SEPTIN7: variants seen among roughly 807,000 people sequenced by gnomAD.
The protein encoded by SEPTIN7 is septin 7.
A neutral mutation model predicts 63.3 loss-of-function variants in SEPTIN7; 10 were observed. That is an observed-to-expected ratio of 0.16 (90% CI 0.10 to 0.27). The LOEUF is 0.27. SEPTIN7 is among the 10% of genes least tolerant of loss of function. The pLI is 1.00. For missense variants in SEPTIN7, 310 were observed against 521.0 expected, an observed-to-expected ratio of 0.59 and a Z score of 3.94; for synonymous variants, 131 against 165.3, an observed-to-expected ratio of 0.79 and a Z score of 1.59.
chr7:35,902,976 A>G, intron 12 of SEPTIN7, 100 bp from the exon 13 acceptor site: 1 of 1,384,456 alleles, frequency 7.2e-7, no homozygotes, highest in South Asian at 1.8e-5. Flanking sequence ...GGCTATTCAA[A>G]TAGTGCTCAT....
intron 4 of SEPTIN7, 101 bp downstream of exon 4, chr7:35,863,759 A>G (rs959969421): frequency 1.2e-5 from 7 of 572,718 alleles, no homozygotes; most frequent in Non-Finnish European, 2.0e-5. Context: ...GTAAGATGCA[A>G]ATTTGTCCTT....
chr7:35,849,532 C>T (rs1481796984), intron 3 of SEPTIN7, among the ~76,000 whole-genome samples: 2 of 152,100 alleles, frequency 1.3e-5, no homozygotes, highest in Admixed American at 6.6e-5. Flanking sequence ...TAACAGGCCA[C>T]GGACTGTGGG....
intron 6 of SEPTIN7, among the ~76,000 whole-genome samples, chr7:35,877,103 C>T (rs1447522488): frequency 6.6e-6 from 1 of 152,038 alleles, no homozygotes; most frequent in Non-Finnish European, 1.5e-5. Context: ...GAGCAAGACC[C>T]TGTCAAAAAA....
At chr7:35,874,866 C>T (rs1786380674) in intron 6 of SEPTIN7, among the ~76,000 whole-genome samples, 1 of 151,984 alleles carries the variant, frequency 6.6e-6, no homozygotes, top group African/African-American at 2.4e-5. Context: ...TTAAAAGGCT[C>T]AAAAAAAGTA....
chr7:35,856,867 A>G (rs1292661206), intron 3 of SEPTIN7, among the ~76,000 whole-genome samples: 1 of 152,232 alleles, frequency 6.6e-6, no homozygotes, highest in Non-Finnish European at 1.5e-5. Flanking sequence ...TTCAGAATAA[A>G]TTCTTCTAAA....
At chr7:35,850,740 A>G (rs1046815952) in intron 3 of SEPTIN7, among the ~76,000 whole-genome samples, 1 of 152,062 alleles carries the variant, frequency 6.6e-6, no homozygotes, top group Non-Finnish European at 1.5e-5. Context: ...TTGTTTGTAC[A>G]TTGTTTGCAT....
chr7:35,885,567 T>G (rs940586615), intron 9 of SEPTIN7, among the ~76,000 whole-genome samples: 8 of 152,176 alleles, frequency 5.3e-5, no homozygotes, highest in Non-Finnish European at 1.0e-4. Flanking sequence ...CTTTCAGAAT[T>G]TCAAAGTTGT....
At chr7:35,832,963 G>T in intron 3 of SEPTIN7, 63 bp downstream of exon 3, 1 of 909,804 alleles carries the variant, frequency 1.1e-6, no homozygotes, top group South Asian at 1.3e-5. Context: ...AGTCAACTCT[G>T]AATAGATTTA....
intron 4 of SEPTIN7, among the ~76,000 whole-genome samples, chr7:35,865,224 A>G (rs768454416): frequency 1.3e-5 from 2 of 152,178 alleles, no homozygotes; most frequent in Non-Finnish European, 2.9e-5. Flanking sequence ...TTATGAATTT[A>G]GATATGCAAG....
chr7:35,880,836 A>G (rs1001923415), intron 7 of SEPTIN7, among the ~76,000 whole-genome samples: 8 of 152,068 alleles, frequency 5.3e-5, no homozygotes, highest in Admixed American at 1.3e-4. Flanking sequence ...TAGTTGTCTC[A>G]ATAATATTGA....
intron 5 of SEPTIN7, among the ~76,000 whole-genome samples, chr7:35,873,069 C>T (rs956339030): frequency 1.3e-5 from 2 of 152,022 alleles, no homozygotes; most frequent in African/African-American, 4.8e-5. Context: ...TAAAACTGTT[C>T]ACTTTAATTT....
intron 1 of SEPTIN7, among the ~76,000 whole-genome samples, chr7:35,808,450 A>G (rs1236928235): frequency 1.3e-5 from 2 of 152,188 alleles, no homozygotes; most frequent in African/African-American, 2.4e-5. Flanking sequence ...ATACAGCTGC[A>G]TAACCGTTAC....
Position 35,860,096 on chromosome 7 carries a change from A to G in SEPTIN7, c.170-3456A>G, listed in dbSNP as rs560333484. On this transcript the variant is annotated intron_variant, in intron 3 of 13. Coordinates refer to ENST00000350320, the MANE Select transcript of SEPTIN7 (RefSeq NM_001788.6). The stretch of plus-strand genomic sequence containing the variant: ...TGTTTACTTGATTTTTTGTAGTGAC[A>G]CAATTTGATTCCCTTCTCTTTTTTT... Among the ~76,000 whole-genome samples the G allele has an allele frequency of 3.0e-4, 44 of 149,074 alleles. No homozygotes were observed. The East Asian group carries it at 8.0e-3, about 27-fold the overall frequency.
intron 7 of SEPTIN7, among the ~76,000 whole-genome samples, chr7:35,881,204 TTG>T (rs1215347872): frequency 6.6e-6 from 1 of 151,946 alleles, no homozygotes; most frequent in Non-Finnish European, 1.5e-5. Flanking sequence ...TCTAGTATTT[TTG>T]TGTTTTACAC....
downstream of SEPTIN7, among the ~76,000 whole-genome samples, chr7:35,907,256 A>T (rs932790519): frequency 6.6e-6 from 1 of 152,180 alleles, no homozygotes; most frequent in African/African-American, 2.4e-5. Flanking sequence ...AATTTGCCAC[A>T]CCAGTAAATC....
At chr7:35,860,627 C>G (rs1397772470) in intron 3 of SEPTIN7, among the ~76,000 whole-genome samples, 1 of 152,134 alleles carries the variant, frequency 6.6e-6, no homozygotes, top group Non-Finnish European at 1.5e-5. Context: ...ACAGAAGTTG[C>G]ATTTGACATT....
intron 1 of SEPTIN7, chr7:35,815,195 T>C: frequency 2.3e-6 from 1 of 432,856 alleles, no homozygotes; most frequent in Non-Finnish European, 4.6e-6. Context: ...GCCTAAGCCT[T>C]GGAATCAACC....
chr7:35,810,923 C>A (rs544697271), intron 1 of SEPTIN7, among the ~76,000 whole-genome samples: 2 of 151,916 alleles, frequency 1.3e-5, no homozygotes, highest in Non-Finnish European at 2.9e-5. Context: ...CATGCCACCA[C>A]GCCTGGCTAA....
chr7:35,867,693 G>C (rs1289311173), intron 4 of SEPTIN7, among the ~76,000 whole-genome samples: 5 of 152,166 alleles, frequency 3.3e-5, no homozygotes, highest in African/African-American at 7.2e-5. Flanking sequence ...CACTGAAAGG[G>C]TATCATCTGT....
Sources: gnomAD v4.1 joint callset for allele counts (sites outside exome capture counted in the v4.1 genomes callset) on GRCh38, gnomAD v4.1.1 for gene constraint, MANE v1.5 for transcripts, NCBI Gene and HGNC (gene_info 2026-07-23, HGNC 2026-07-21) for gene names.